Variants in EHHADH observed in about 807,000 individuals in gnomAD.
EHHADH encodes enoyl-CoA hydratase and 3-hydroxyacyl CoA dehydrogenase, also known as peroxisomal bifunctional enzyme.
Under a neutral mutation model 64.4 loss-of-function variants are expected in EHHADH, and 48 were observed. That is an observed-to-expected ratio of 0.75 (90% confidence interval 0.59 to 0.95). The LOEUF (loss-of-function observed/expected upper bound fraction) is 0.95. EHHADH is among the 40% of genes least tolerant of loss of function. The pLI, the probability that EHHADH is intolerant of heterozygous loss-of-function variation, is 0.00. For missense variants in EHHADH, 854 were observed against 876.6 expected (o/e 0.97, Z 0.33); for synonymous variants, 308 against 326.7 (o/e 0.94, Z 0.62).
chr3:185,240,552 T>C (rs190580981), intron 2 of EHHADH, among the ~76,000 whole-genome samples: 101 of 152,154 alleles, frequency 6.6e-4, no homozygotes, highest in African/African-American at 2.3e-3. Flanking sequence ...TTCTAGTTTA[T>C]GCATGTAGAG....
At chr3:185,226,210 C>T (rs1336348170) in intron 4 of EHHADH, among the ~76,000 whole-genome samples, 3 of 152,170 alleles carry the variant, frequency 2.0e-5, no homozygotes, top group Admixed American at 6.5e-5. Context: ...ATAAAAGACA[C>T]TGTGGTGTCT....
intron 2 of EHHADH, among the ~76,000 whole-genome samples, chr3:185,236,243 T>G (rs1263405790): frequency 1.3e-5 from 2 of 152,204 alleles, no homozygotes; most frequent in East Asian, 3.9e-4. Context: ...CATTAGATTC[T>G]CACAGGAGCG....
chr3:185,229,611 TC>T, intron 3 of EHHADH, 68 bp from the exon 4 acceptor site: 1 of 963,966 alleles, frequency 1.0e-6, no homozygotes, highest in Admixed American at 3.4e-5. Context: ...GGCAAGCGTT[TC>T]CCTGGATTTC....
intron 3 of EHHADH, among the ~76,000 whole-genome samples, chr3:185,231,903 T>C (rs796856527): frequency 4.3e-4 from 65 of 152,344 alleles, no homozygotes; most frequent in African/African-American, 1.3e-3. Context: ...TATACTCATA[T>C]ACCATTGAAT....
rs540313119 is a variant in EHHADH, at chr3:185,242,261, C to G, written c.178+6153G>C. Among the ~76,000 whole-genome samples, 3 of 152,230 alleles carry G rather than the reference C, an allele frequency of 2.0e-5. No individual in the cohort carries two copies. In the South Asian group the frequency reaches 6.2e-4, roughly 32 times the overall value. ...CGCTGCCAAAAGCAATCTACAAATTCAATGCAACCCCCATCAAAATACCAC... is the reference window on the plus strand; with the variant it reads ...CGCTGCCAAAAGCAATCTACAAATTGAATGCAACCCCCATCAAAATACCAC... On this transcript the variant is annotated intron_variant, in intron 2 of 6. Coordinates refer to ENST00000231887, the MANE Select transcript of EHHADH (RefSeq NM_001966.4).
intron 5 of EHHADH, among the ~76,000 whole-genome samples, chr3:185,214,037 C>T (rs1389213170): frequency 6.6e-6 from 1 of 152,134 alleles, no homozygotes; most frequent in African/African-American, 2.4e-5. Context: ...CAAATGTTGA[C>T]AAGATTCTGA....
chr3:185,239,902 T>C (rs1719401742), intron 2 of EHHADH, among the ~76,000 whole-genome samples: 1 of 152,174 alleles, frequency 6.6e-6, no homozygotes, highest in South Asian at 2.1e-4. Flanking sequence ...TTCAGTATGA[T>C]GTTGGCTGTG....
At chr3:185,204,132 C>CAAAAAAAA (rs1220063126) in intron 6 of EHHADH, among the ~76,000 whole-genome samples, 3 of 30,522 alleles carry the variant, frequency 9.8e-5, no homozygotes, top group Non-Finnish European at 1.4e-4. Context: ...GACTCTGTCT[C>CAAAAAAAA]AAAAAAAAAA....
chr3:185,243,722 G>T (rs1330865063), intron 2 of EHHADH, among the ~76,000 whole-genome samples: 1 of 151,896 alleles, frequency 6.6e-6, no homozygotes, highest in Non-Finnish European at 1.5e-5. Context: ...AGATTTTTTT[G>T]AATTTGTTGA....
At chr3:185,248,644 C>T (rs904740694) in intron 1 of EHHADH, 127 bp from the exon 2 acceptor site, 2 of 624,376 alleles carry the variant, frequency 3.2e-6, no homozygotes, top group East Asian at 2.8e-5. Flanking sequence ...AGATACTTCT[C>T]AATAAAGCTT....
chr3:185,221,577 C>CTTTTTTTTTT (rs10663266), intron 4 of EHHADH, among the ~76,000 whole-genome samples: 5 of 130,748 alleles, frequency 3.8e-5, no homozygotes, highest in Admixed American at 8.5e-5. Context: ...ATTTTTTTTT[C>CTTTTTTTTTT]TTTTTTTTTT....
chr3:185,193,054 G>T lies in EHHADH; in HGVS notation c.1344C>A (p.Ser448Arg), dbSNP rs755198252. ...HVMKLLEVIP[S>R]QYSSPTTIAT... ...CAATGGTAGTGGGGGAAGAGTATTG[G>T]CTGGGAATAACCTCTAACAACTTCA... Residue 448 changes from serine to arginine, a missense_variant, in exon 7 of 7, where the codon AGC (serine) becomes AGA (arginine). Ser to Arg is a moderately radical substitution (Grantham distance 110). Coordinates refer to ENST00000231887, the MANE Select transcript of EHHADH (RefSeq NM_001966.4). The T allele has an allele frequency of 3.1e-6, 5 of 1,614,016 alleles. No individual in the cohort carries two copies. In the African/African-American group the frequency reaches 6.7e-5, roughly 22 times the overall value.
At chr3:185,213,904 A>G (rs1318577484) in intron 5 of EHHADH, among the ~76,000 whole-genome samples, 1 of 133,746 alleles carries the variant, frequency 7.5e-6, no homozygotes, top group Non-Finnish European at 1.5e-5. Context: ...AGAAAAAAAG[A>G]AAGAGAAAAA....
Position 185,192,076 on chromosome 3 carries a change from C to A in EHHADH, c.*150G>T. On this transcript the variant is annotated 3_prime_UTR_variant, in exon 7 of 7. Transcript: ENST00000231887. ...GGAAGCACATTCCTAAAGATTTGAC[C>A]ATTAGAGTCGTTACACAGAAGATTC... 1 of 898,750 alleles carries A rather than the reference C, an allele frequency of 1.1e-6. No individual in the cohort carries two copies. The highest frequency in any genetic ancestry group is 1.7e-6 in the Non-Finnish European group (1 of 602,492). 55.7% of individuals were successfully genotyped at this position (898,750 alleles called of 1,614,324 possible).
intron 3 of EHHADH, among the ~76,000 whole-genome samples, chr3:185,232,762 T>C (rs1719171480): frequency 6.6e-6 from 1 of 152,218 alleles, no homozygotes; most frequent in South Asian, 2.1e-4. Flanking sequence ...ATGATATTTT[T>C]AAAGAATATT....
intron 2 of EHHADH, chr3:185,248,122 A>G (rs1017587839): frequency 2.9e-5 from 8 of 272,874 alleles, no homozygotes; most frequent in East Asian, 1.4e-4. Context: ...CCAAGCCCAC[A>G]TATGGTGGAG....
Position 185,192,007 on chromosome 3 carries a change from T to C in EHHADH, c.*219A>G. On this transcript the variant is annotated 3_prime_UTR_variant, in exon 7 of 7. Transcript: ENST00000231887. Reference sequence around the variant, plus strand: ...TATTATGGTATTATATTCACACAAGTTCATGCATTGAATTTATCTGATAAG... The same window carrying C: ...TATTATGGTATTATATTCACACAAGCTCATGCATTGAATTTATCTGATAAG... 1.8e-6 allele frequency: 1 copy of C among 553,030 alleles called. No individual in the cohort carries two copies. Among genetic ancestry groups the C allele is most frequent in the Non-Finnish European group, 3.1e-6 (1 of 318,752 alleles). 34.3% of individuals were successfully genotyped at this position (553,030 alleles called of 1,614,324 possible).
Position 185,244,583 on chromosome 3 carries a change from A to AAAG in EHHADH, c.178+3828_178+3830dup, listed in dbSNP as rs576629263. On this transcript the variant is annotated intron_variant, in intron 2 of 6. Transcript: ENST00000231887. ...CAGAAGCTGTGAGTGTGACATTTGGAAAGAAGGTCTTCGCAGATGTTATCA... is the reference window on the plus strand; with the variant it reads ...CAGAAGCTGTGAGTGTGACATTTGGAAAGAAGAAGGTCTTCGCAGATGTTATCA... Among the ~76,000 whole-genome samples the AAAG allele has an allele frequency of 8.5e-5, 13 of 152,302 alleles. No homozygotes were observed. In the East Asian group the frequency reaches 2.3e-3, roughly 27 times the overall value.
rs1718685579 is a variant in EHHADH, at chr3:185,216,577, T to C, written c.568+1559A>G. 6.6e-6 allele frequency among the ~76,000 whole-genome samples: 1 copy of C among 152,220 alleles called. No homozygotes were observed. The highest frequency in any genetic ancestry group is 2.4e-5 in the African/African-American group (1 of 41,448). On this transcript the variant is annotated intron_variant, in intron 5 of 6. Transcript: ENST00000231887. The surrounding 1 kb of genome is among the most constrained non-coding windows in gnomAD (Gnocchi z 5.3). ...TATTTGGGCAAGGACTTGCTGATTCTCTTTAGGGGTCTCCATTATTTTCTC... is the reference window on the plus strand; with the variant it reads ...TATTTGGGCAAGGACTTGCTGATTCCCTTTAGGGGTCTCCATTATTTTCTC...
Sources: gnomAD v4.1 joint callset for allele counts (sites outside exome capture counted in the v4.1 genomes callset) on GRCh38, gnomAD v4.1.1 for gene constraint, Gnocchi (gnomAD v3.1) non-coding constraint, MANE v1.5 for transcripts, NCBI Gene and HGNC (gene_info 2026-07-23, HGNC 2026-07-21) for gene names.